Variants in SPATA6L observed in about 807,000 individuals in gnomAD.
SPATA6L encodes spermatogenesis associated 6-like protein.
Under a neutral mutation model 49.2 loss-of-function variants are expected in SPATA6L, and 68 were observed. The ratio of observed to expected loss-of-function variants is 1.38; its 90% CI spans 1.14 to 1.69. The LOEUF is 1.69. Ranked by LOEUF, SPATA6L falls within the 40% of genes most tolerant of loss-of-function variation. The pLI, the probability that SPATA6L is intolerant of heterozygous loss-of-function variation, is 0.00. For synonymous variants in SPATA6L, 198 were observed against 165.7 expected, an observed-to-expected ratio of 1.19 and a Z score of -1.50; for missense variants, 668 against 464.3, an observed-to-expected ratio of 1.44 and a Z score of -4.03.
At chr9:4,632,513 T>C (rs1373327069) in intron 4 of SPATA6L, among the ~76,000 whole-genome samples, 1 of 151,576 alleles carries the variant, frequency 6.6e-6, no homozygotes, top group African/African-American at 2.4e-5. Context: ...GGAGAATCAC[T>C]TGAACCTGGG....
At chr9:4,607,438 C>T (rs1165386572) in intron 9 of SPATA6L, among the ~76,000 whole-genome samples, 10 of 152,150 alleles carry the variant, frequency 6.6e-5, no homozygotes, top group South Asian at 2.1e-4. Flanking sequence ...AGACTAACAG[C>T]GGATCTCTTG....
At chr9:4,617,819 C>G in intron 9 of SPATA6L, 104 bp downstream of exon 9, 1 of 946,478 alleles carries the variant, frequency 1.1e-6, no homozygotes, top group Non-Finnish European at 1.5e-6. Flanking sequence ...AAGGTGTCAC[C>G]AGCTGAATAT....
intron 2 of SPATA6L, 58 bp from the exon 3 acceptor site, chr9:4,656,147 A>G: frequency 6.8e-7 from 1 of 1,467,700 alleles, no homozygotes; most frequent in South Asian, 1.2e-5. Flanking sequence ...GCGCATATAG[A>G]AACTGTAAAT....
In SPATA6L at chr9:4,666,407, G is replaced by C. The variant is rs1318968219; in HGVS notation, c.-157C>G. The C allele has an allele frequency of 2.7e-6, 2 of 749,172 alleles. No individual in the cohort carries two copies. The highest frequency in any genetic ancestry group is 2.3e-6 in the Non-Finnish European group (1 of 433,546). The allele number at this position is 749,172 out of a possible 1,614,324, so 46.4% of individuals were successfully genotyped here. ...TCCCCTACCGTCCCCCCCAGCCCAGGTCCCTCCCACCGGGACGGGTCTCTC... is the reference window on the plus strand; with the variant it reads ...TCCCCTACCGTCCCCCCCAGCCCAGCTCCCTCCCACCGGGACGGGTCTCTC... On this transcript the variant is annotated 5_prime_UTR_variant, in exon 1 of 12. Transcript: ENST00000682582.
At chr9:4,614,772 T>C (rs988671198) in intron 9 of SPATA6L, among the ~76,000 whole-genome samples, 7 of 152,316 alleles carry the variant, frequency 4.6e-5, no homozygotes, top group South Asian at 2.1e-4. Context: ...CTGATAATCA[T>C]GGCCTTATTT....
chr9:4,606,236 T>C (rs1171816981), intron 9 of SPATA6L, among the ~76,000 whole-genome samples: 1 of 145,152 alleles, frequency 6.9e-6, no homozygotes, highest in African/African-American at 2.7e-5. Flanking sequence ...GCGCCCGCCA[T>C]TGCCCAGGCT....
chr9:4,593,238 T>G (rs1350412307), intron 13 of SPATA6L, among the ~76,000 whole-genome samples: 1 of 152,242 alleles, frequency 6.6e-6, no homozygotes, highest in Non-Finnish European at 1.5e-5. Flanking sequence ...TTTACAAGCT[T>G]TCTAATCATG....
chr9:4,620,426 C>G (rs1452088396), intron 7 of SPATA6L, among the ~76,000 whole-genome samples: 1 of 152,172 alleles, frequency 6.6e-6, no homozygotes, highest in African/African-American at 2.4e-5. Context: ...ATTCATATCA[C>G]CTGGAAGCTT....
intron 3 of SPATA6L, among the ~76,000 whole-genome samples, chr9:4,653,923 C>T (rs1310831864): frequency 4.6e-5 from 7 of 152,126 alleles, no homozygotes; most frequent in African/African-American, 1.2e-4. Context: ...GGTGACAGAG[C>T]GAGACCCTGT....
Position 4,666,365 on chromosome 9 carries a change from C to A in SPATA6L, c.-115G>T. 9.1e-7 allele frequency: 1 copy of A among 1,102,860 alleles called. No individual in the cohort carries two copies. 68.3% of individuals were successfully genotyped at this position (1,102,860 alleles called of 1,614,324 possible). A position where few individuals can be genotyped will look rare whatever the true frequency, so the allele number is the denominator to read the frequency against. On this transcript the variant is annotated 5_prime_UTR_variant, in exon 1 of 12. Transcript: ENST00000682582. The stretch of plus-strand genomic sequence containing the variant: ...GAGCAAATGTTCCCAGAAGCTTCCC[C>A]AGTCCCACGCCCTTGTTCCCCTACC...
chr9:4,664,397 CAG>C (rs1446604649), intron 1 of SPATA6L: 4 of 167,022 alleles, frequency 2.4e-5, no homozygotes, highest in African/African-American at 9.7e-5. Context: ...TTTTAGGTAA[CAG>C]TATTTAACTT....
chr9:4,645,062 G>A (rs572888778), intron 3 of SPATA6L, among the ~76,000 whole-genome samples: 1 of 152,266 alleles, frequency 6.6e-6, no homozygotes, highest in South Asian at 2.1e-4. Flanking sequence ...AAAAAGACCT[G>A]TATTTATGAA....
At position 4,623,046 on chromosome 9, in the gene SPATA6L, G is replaced by A. The variant is rs544597580; in HGVS notation, c.670-536C>T. Among the ~76,000 whole-genome samples, 4 of 152,282 alleles carry A rather than the reference G, an allele frequency of 2.6e-5. No homozygotes were observed. The South Asian group carries it at 8.3e-4, about 32-fold the overall frequency. On this transcript the variant is annotated intron_variant, in intron 6 of 11. Coordinates refer to ENST00000682582, the MANE Select transcript of SPATA6L (RefSeq NM_001353486.2). Reference sequence around the variant, plus strand: ...TGTAATCCCACCACTTTGGGAGGCCGAGGAGGGTGGATCACCTGAGGTCGG... The same window carrying A: ...TGTAATCCCACCACTTTGGGAGGCCAAGGAGGGTGGATCACCTGAGGTCGG...
Position 4,666,398 on chromosome 9 carries a change from C to G in SPATA6L, c.-148G>C, listed in dbSNP as rs57032514. The G allele has an allele frequency of 1.1e-5, 9 of 800,240 alleles. No homozygotes were observed. The highest frequency in any genetic ancestry group is 3.0e-4 in the Middle Eastern group (1 of 3,362). The allele number at this position is 800,240 out of a possible 1,614,324, so 49.6% of individuals were successfully genotyped here. A position where few individuals can be genotyped will look rare whatever the true frequency, so the allele number is the denominator to read the frequency against. On this transcript the variant is annotated 5_prime_UTR_variant, in exon 1 of 12. Transcript: ENST00000682582. ...CGCCCTTGTTCCCCTACCGTCCCCC[C>G]CAGCCCAGGTCCCTCCCACCGGGAC...
At chr9:4,590,229 C>T (rs116427607) in intron 13 of SPATA6L, among the ~76,000 whole-genome samples, 1,537 of 152,098 alleles carry the variant, frequency 0.01, 22 homozygotes, top group African/African-American at 0.034. Context: ...TGGCTGGGAA[C>T]AAAATATTGA....
chr9:4,605,793 G>A (rs958381828), intron 9 of SPATA6L, among the ~76,000 whole-genome samples: 4 of 151,998 alleles, frequency 2.6e-5, no homozygotes, highest in Non-Finnish European at 5.9e-5. Flanking sequence ...ATTTAAATCC[G>A]GTTTTCGGGG....
intron 3 of SPATA6L, among the ~76,000 whole-genome samples, chr9:4,650,892 C>G (rs1836696325): frequency 1.3e-5 from 2 of 151,454 alleles, no homozygotes; most frequent in Middle Eastern, 6.8e-3. Flanking sequence ...GATAGAGACA[C>G]GGTTTCACCA....
intron 3 of SPATA6L, among the ~76,000 whole-genome samples, chr9:4,642,321 A>C (rs1407147551): frequency 6.6e-6 from 1 of 152,224 alleles, no homozygotes; most frequent in Non-Finnish European, 1.5e-5. Context: ...TAAAAAACTT[A>C]TGGAAAAAAA....
At chr9:4,607,295 G>A (rs1210997255) in intron 9 of SPATA6L, among the ~76,000 whole-genome samples, 5 of 152,028 alleles carry the variant, frequency 3.3e-5, no homozygotes, top group Non-Finnish European at 7.4e-5. Flanking sequence ...TACAGAGAAT[G>A]CCACAAAGAT....
Sources: gnomAD v4.1 joint callset for allele counts (sites outside exome capture counted in the v4.1 genomes callset) on GRCh38, gnomAD v4.1.1 for gene constraint, MANE v1.5 for transcripts, NCBI Gene and HGNC (gene_info 2026-07-23, HGNC 2026-07-21) for gene names.